NEDD4L: variants seen among roughly 807,000 people sequenced by gnomAD.
NEDD4L encodes the protein E3 ubiquitin-protein ligase NEDD4-like.
A neutral mutation model predicts 148.9 loss-of-function variants in NEDD4L; 54 were observed. The ratio of observed to expected loss-of-function variants is 0.36; its 90% CI spans 0.29 to 0.45. The LOEUF (loss-of-function observed/expected upper bound fraction) is 0.45. Ranked by LOEUF, NEDD4L falls within the 20% of genes least tolerant of loss-of-function variation. The probability of loss-of-function intolerance (pLI) is 1.00; values close to 1 mark genes in which losing one functional copy is unlikely to be tolerated. For missense variants in NEDD4L, 856 were observed against 1,233.8 expected, an observed-to-expected ratio of 0.69 and a Z score of 4.59; for synonymous variants, 433 against 440.7, an observed-to-expected ratio of 0.98 and a Z score of 0.22.
intron 1 of NEDD4L, among the ~76,000 whole-genome samples, chr18:58,146,219 C>T (rs535060612): frequency 1.4e-4 from 21 of 152,132 alleles, no homozygotes; most frequent in African/African-American, 4.6e-4. Context: ...GGAAGGTGGG[C>T]GGGAGAGACC....
Position 58,256,113 on chromosome 18 carries a change from C to T in NEDD4L, c.297+4059C>T. On this transcript the variant is annotated intron_variant, in intron 5 of 30. Coordinates refer to ENST00000400345, the MANE Select transcript of NEDD4L (RefSeq NM_001144967.3). The surrounding 1 kb of genome is among the most constrained non-coding windows in gnomAD (Gnocchi z 5.2). ...ACCCCCGGGAGCTCCCCTCCGAGGGCAGCCCGGGACCCAGGGCTCCAGGTC... is the reference window on the plus strand; with the variant it reads ...ACCCCCGGGAGCTCCCCTCCGAGGGTAGCCCGGGACCCAGGGCTCCAGGTC... 8.2e-7 allele frequency: 1 copy of T among 1,226,576 alleles called. No individual in the cohort carries two copies. Among genetic ancestry groups the T allele is most frequent in the Non-Finnish European group, 1.0e-6 (1 of 984,666 alleles). 76.0% of individuals were successfully genotyped at this position (1,226,576 alleles called of 1,614,324 possible).
intron 2 of NEDD4L, among the ~76,000 whole-genome samples, chr18:58,180,587 C>T (rs556796512): frequency 9.9e-5 from 15 of 152,204 alleles, no homozygotes; most frequent in Non-Finnish European, 1.8e-4. Flanking sequence ...CTCCTCCTTT[C>T]GTGCTTGTTC....
intron 5 of NEDD4L, among the ~76,000 whole-genome samples, chr18:58,299,500 AG>A (rs1191768871): frequency 1.3e-5 from 2 of 152,268 alleles, no homozygotes; most frequent in Admixed American, 1.3e-4. Flanking sequence ...AACATTTTTT[AG>A]TACCTTTGTG....
intron 1 of NEDD4L, among the ~76,000 whole-genome samples, chr18:58,058,065 T>G (rs1270030155): frequency 6.6e-6 from 1 of 152,152 alleles, no homozygotes; most frequent in Non-Finnish European, 1.5e-5. Flanking sequence ...CCCAGCACTT[T>G]GGGAGGCTGA....
At chr18:58,236,891 C>T (rs967754907) in intron 2 of NEDD4L, among the ~76,000 whole-genome samples, 22 of 151,866 alleles carry the variant, frequency 1.4e-4, no homozygotes, top group African/African-American at 3.6e-4. Context: ...GGCATGGTGG[C>T]GCATGACTGT....
intron 2 of NEDD4L, chr18:58,227,760 A>G (rs2044548943): frequency 5.5e-6 from 2 of 361,526 alleles, no homozygotes; most frequent in Non-Finnish European, 7.7e-6. Context: ...CTGTGGTTTT[A>G]CTTAGCTTAA....
chr18:58,059,987 T>C (rs2082256224), intron 1 of NEDD4L, among the ~76,000 whole-genome samples: 1 of 151,980 alleles, frequency 6.6e-6, no homozygotes, highest in Non-Finnish European at 1.5e-5. Context: ...GAAACTGAGG[T>C]TCAAGGAGGT....
At chr18:58,353,768 A>G (rs1388904555) in intron 18 of NEDD4L, among the ~76,000 whole-genome samples, 1 of 152,208 alleles carries the variant, frequency 6.6e-6, no homozygotes, top group Non-Finnish European at 1.5e-5. Context: ...TCTTATAGCA[A>G]AACTCAGCAT....
chr18:58,217,757 A>AT (rs1324085908), intron 2 of NEDD4L, among the ~76,000 whole-genome samples: 2 of 152,220 alleles, frequency 1.3e-5, no homozygotes, highest in African/African-American at 4.8e-5. Context: ...AGGGATATAA[A>AT]TTGGTTACCA....
intron 8 of NEDD4L, among the ~76,000 whole-genome samples, 170 bp downstream of exon 8, chr18:58,323,504 G>C (rs1568695300): frequency 6.6e-6 from 1 of 152,190 alleles, no homozygotes; most frequent in Non-Finnish European, 1.5e-5. Flanking sequence ...ATTTGTTTTG[G>C]TTAAAGATGA....
At chr18:58,334,499 G>T (rs1187650244) in intron 12 of NEDD4L, among the ~76,000 whole-genome samples, 6 of 152,212 alleles carry the variant, frequency 3.9e-5, no homozygotes, top group Non-Finnish European at 7.3e-5. Flanking sequence ...GACTAGAACT[G>T]CCCTGAGAGA....
chr18:58,139,985 G>A (rs190007318), intron 1 of NEDD4L, among the ~76,000 whole-genome samples: 97 of 152,300 alleles, frequency 6.4e-4, no homozygotes, highest in Admixed American at 2.0e-3. Flanking sequence ...TTGCATTGCT[G>A]ATGGACATTG....
intron 13 of NEDD4L, among the ~76,000 whole-genome samples, chr18:58,339,388 G>C (rs1488359255): frequency 6.6e-6 from 1 of 152,150 alleles, no homozygotes; most frequent in Admixed American, 6.5e-5. Flanking sequence ...CTTTGTGTTG[G>C]CATCGCTGCT....
intron 16 of NEDD4L, among the ~76,000 whole-genome samples, chr18:58,344,599 T>C (rs553297058): frequency 6.6e-6 from 1 of 152,366 alleles, no homozygotes; most frequent in Admixed American, 6.5e-5. Flanking sequence ...TAACTGCTTC[T>C]AAGGCATATA....
intron 1 of NEDD4L, chr18:58,046,914 G>A (rs2081609968): frequency 6.6e-6 from 1 of 152,182 alleles, no homozygotes; most frequent in Admixed American, 6.5e-5. Flanking sequence ...GAAAAAATAA[G>A]CCAGGGCAGT....
chr18:58,275,891 A>C (rs1002634942), intron 5 of NEDD4L, among the ~76,000 whole-genome samples: 1 of 152,074 alleles, frequency 6.6e-6, no homozygotes, highest in African/African-American at 2.4e-5. Flanking sequence ...AGGTAGGGGG[A>C]GCATTGAAGG....
At position 58,044,640 on chromosome 18, in the gene NEDD4L, C is replaced by T. The variant is rs1425888300; in HGVS notation, c.-21C>T. The stretch of plus-strand genomic sequence containing the variant: ...CACAGCCGCTGGGAGCGCCTCAGAC[C>T]CCGCGCGGGGCGCCGGCTCCATGGC... On this transcript the variant is annotated 5_prime_UTR_variant, in exon 1 of 31. Transcript: ENST00000400345. The T allele has an allele frequency of 6.3e-7, 1 of 1,595,298 alleles. No homozygotes were observed.
chr18:58,186,041 G>GTATGCACACGCGCACAGAGAAGGATACA (rs1485829135), intron 2 of NEDD4L, among the ~76,000 whole-genome samples: 5 of 151,486 alleles, frequency 3.3e-5, no homozygotes, highest in African/African-American at 9.7e-5. Flanking sequence ...AGAAGGATAC[G>GTATGCACACGCGCACAGAGAAGGATACA]TATGCACACG....
intron 25 of NEDD4L, among the ~76,000 whole-genome samples, chr18:58,383,890 C>T (rs1417332542): frequency 6.6e-6 from 1 of 152,134 alleles, no homozygotes; most frequent in Non-Finnish European, 1.5e-5. Context: ...ACATTTGTAC[C>T]AGGCAGAAGT....
Sources: allele counts gnomAD v4.1 joint callset (sites outside exome capture counted in the v4.1 genomes callset), GRCh38; gene constraint gnomAD v4.1.1; non-coding constraint Gnocchi (gnomAD v3.1); transcripts MANE v1.5; gene names NCBI Gene and HGNC (gene_info 2026-07-23, HGNC 2026-07-21).